Variants in PTBP2 observed in about 807,000 individuals in gnomAD.
PTBP2 encodes polypyrimidine tract binding protein 2, also known as polypyrimidine tract-binding protein 2.
Under a neutral mutation model 61.4 loss-of-function variants are expected in PTBP2, and 13 were observed. That is an observed-to-expected ratio of 0.21 (90% confidence interval 0.14 to 0.34). PTBP2 has a LOEUF of 0.34. Ranked by LOEUF, PTBP2 falls within the 10% of genes least tolerant of loss-of-function variation. The pLI, the probability that PTBP2 is intolerant of heterozygous loss-of-function variation, is 1.00. For synonymous variants in PTBP2, 215 were observed against 218.5 expected (o/e 0.98, Z 0.14); for missense variants, 405 against 642.6 (o/e 0.63, Z 4.00).
intron 2 of PTBP2, among the ~76,000 whole-genome samples, chr1:96,727,166 T>C (rs1650685666): frequency 6.6e-6 from 1 of 152,224 alleles, no homozygotes; most frequent in Non-Finnish European, 1.5e-5. Context: ...TATGTACATT[T>C]TTGGTCTGGG....
At chr1:96,808,883 G>T (rs1334161990) in intron 11 of PTBP2, among the ~76,000 whole-genome samples, 1 of 151,938 alleles carries the variant, frequency 6.6e-6, no homozygotes, top group African/African-American at 2.4e-5. Flanking sequence ...GTACTAAAAA[G>T]ATTATCAAAC....
chr1:96,791,831 T>TTTTGTTTTTTTTTTGTTTTG (rs1292684787), intron 8 of PTBP2, among the ~76,000 whole-genome samples: 1 of 127,732 alleles, frequency 7.8e-6, no homozygotes, highest in South Asian at 2.6e-4. Context: ...TTGTGCTTTT[T>TTTTGTTTTTTTTTTGTTTTG]TTTTTTTTTT....
chr1:96,808,618 T>G (rs1661726161), intron 11 of PTBP2, among the ~76,000 whole-genome samples: 1 of 152,216 alleles, frequency 6.6e-6, no homozygotes, highest in Non-Finnish European at 1.5e-5. Flanking sequence ...TTGTAAATCA[T>G]TTATCCCAAA....
chr1:96,785,045 A>G lies in PTBP2; in HGVS notation c.709-14A>G, dbSNP rs753060022. On this transcript the variant is annotated splice_polypyrimidine_tract_variant and intron_variant, in intron 7 of 13. Transcript: ENST00000674951. ...TTGTTTAAGATTGCTGATATGCTTT[A>G]TTCACTTTTACAGGCCCTAGATGGT... 6 of 1,508,842 alleles carry G rather than the reference A, an allele frequency of 4.0e-6. No individual in the cohort carries two copies. Among genetic ancestry groups the G allele is most frequent in the Non-Finnish European group, 5.3e-6 (6 of 1,124,596 alleles). The allele number at this position is 1,508,842 out of a possible 1,614,324, so 93.5% of individuals were successfully genotyped here. A position where few individuals can be genotyped will look rare whatever the true frequency, so the allele number is the denominator to read the frequency against.
At chr1:96,787,872 C>G (rs1255805289) in intron 8 of PTBP2, among the ~76,000 whole-genome samples, 2 of 151,956 alleles carry the variant, frequency 1.3e-5, no homozygotes, top group East Asian at 3.9e-4. Flanking sequence ...ATTAAAACAC[C>G]CTTGTACTTT....
chr1:96,721,847 G>C lies in PTBP2; in HGVS notation c.-18G>C, dbSNP rs2100757560. 6.4e-7 allele frequency: 1 copy of C among 1,566,346 alleles called. No homozygotes were observed. Among genetic ancestry groups the C allele is most frequent in the East Asian group, 2.4e-5 (1 of 42,506 alleles). ...GCGTGGCTCGGTTCTTGTGAGCGAA[G>C]CTTTGTCCGGTTCGGCAATGGACGG... On this transcript the variant is annotated 5_prime_UTR_variant, in exon 1 of 14. Transcript: ENST00000674951.
chr1:96,769,768 C>CT lies in PTBP2; in HGVS notation c.183dup (p.His62SerfsTer13). 6.2e-7 allele frequency: 1 copy of CT among 1,611,240 alleles called. No individual in the cohort carries two copies. Among genetic ancestry groups the CT allele is most frequent in the South Asian group, 1.1e-5 (1 of 90,748 alleles). On this transcript the variant is annotated frameshift_variant, in exon 4 of 14. Coordinates refer to ENST00000674951, the MANE Select transcript of PTBP2 (RefSeq NM_021190.4). LOFTEE classifies it high-confidence loss of function. Reference sequence around the variant, plus strand: ...AATGGATGGTGCTCCTTCTCGTGTACTTCATATTCGAAAATTACCTGGGGA... The same window carrying CT: ...AATGGATGGTGCTCCTTCTCGTGTACTTTCATATTCGAAAATTACCTGGGGA...
intron 8 of PTBP2, among the ~76,000 whole-genome samples, chr1:96,804,427 G>C (rs971642247): frequency 5.3e-5 from 8 of 152,144 alleles, no homozygotes; most frequent in Non-Finnish European, 7.4e-5. Context: ...TGTCGAAAGT[G>C]ATACTTTTTT....
chr1:96,782,310 A>G (rs1658766886), intron 7 of PTBP2, among the ~76,000 whole-genome samples: 1 of 152,038 alleles, frequency 6.6e-6, no homozygotes, highest in African/African-American at 2.4e-5. Flanking sequence ...ACTAACTGAT[A>G]ATAAAAATAA....
chr1:96,766,390 A>G (rs969829554), intron 3 of PTBP2, among the ~76,000 whole-genome samples: 8 of 152,200 alleles, frequency 5.3e-5, no homozygotes, highest in Non-Finnish European at 4.4e-5. Flanking sequence ...CTGGTTTTAC[A>G]CGCCCAAACA....
Position 96,778,010 on chromosome 1 carries a change from T to A in PTBP2, c.708+64T>A, listed in dbSNP as rs577907977. 8 of 775,318 alleles carry A rather than the reference T, an allele frequency of 1.0e-5. 1 individual carries two copies. In the East Asian group the frequency reaches 1.1e-4, roughly 11 times the overall value. The allele number at this position is 775,318 out of a possible 1,614,324, so 48.0% of individuals were successfully genotyped here. A position where few individuals can be genotyped will look rare whatever the true frequency, so the allele number is the denominator to read the frequency against. On this transcript the variant is annotated intron_variant, in intron 7 of 13. Coordinates refer to ENST00000674951, the MANE Select transcript of PTBP2 (RefSeq NM_021190.4). Reference sequence around the variant, plus strand: ...AAATGTATATGTAGAAAAATATATATATATGTATGTATACTTAATGATATC... The same window carrying A: ...AAATGTATATGTAGAAAAATATATAAATATGTATGTATACTTAATGATATC...
At chr1:96,759,671 CTTG>C (rs1427001902) in intron 3 of PTBP2, among the ~76,000 whole-genome samples, 5 of 152,138 alleles carry the variant, frequency 3.3e-5, no homozygotes, top group Non-Finnish European at 5.9e-5. Flanking sequence ...AATATATAAA[CTTG>C]ACTCCATCAA....
intron 2 of PTBP2, among the ~76,000 whole-genome samples, chr1:96,733,322 G>A (rs1651708795): frequency 6.6e-6 from 1 of 152,120 alleles, no homozygotes. Flanking sequence ...CTACATAATA[G>A]AGGATAAATG....
At chr1:96,771,449 TA>T (rs1331262887) in intron 5 of PTBP2, 2 of 151,926 alleles carry the variant, frequency 1.3e-5, no homozygotes, top group Non-Finnish European at 2.9e-5. Context: ...TCTCTGTCAG[TA>T]AAATACAAAC....
chr1:96,787,848 A>G (rs1234493303), intron 8 of PTBP2, among the ~76,000 whole-genome samples: 2 of 152,162 alleles, frequency 1.3e-5, no homozygotes, highest in African/African-American at 4.8e-5. Context: ...CATGTAGGCT[A>G]TTCCATACTT....
intron 3 of PTBP2, among the ~76,000 whole-genome samples, chr1:96,766,306 G>T (rs1656695512): frequency 6.6e-6 from 1 of 152,146 alleles, no homozygotes; most frequent in Non-Finnish European, 1.5e-5. Context: ...CATATACAAT[G>T]AATAAAATTT....
chr1:96,774,529 A>G (rs1287433074), intron 5 of PTBP2, among the ~76,000 whole-genome samples: 1 of 152,230 alleles, frequency 6.6e-6, no homozygotes, highest in Non-Finnish European at 1.5e-5. Context: ...GCAAATGAGT[A>G]TGCATTAACC....
At chr1:96,761,933 T>C (rs1372721249) in intron 3 of PTBP2, among the ~76,000 whole-genome samples, 1 of 151,940 alleles carries the variant, frequency 6.6e-6, no homozygotes, top group African/African-American at 2.4e-5. Context: ...TAGGGAGTGG[T>C]GATGACTCTT....
intron 2 of PTBP2, among the ~76,000 whole-genome samples, chr1:96,739,231 A>G (rs1211354622): frequency 6.6e-6 from 1 of 152,170 alleles, no homozygotes; most frequent in African/African-American, 2.4e-5. Context: ...AATGTTGCTT[A>G]ATTGATTAAA....
Sources: allele counts gnomAD v4.1 joint callset (sites outside exome capture counted in the v4.1 genomes callset), GRCh38; gene constraint gnomAD v4.1.1; transcripts MANE v1.5; gene names NCBI Gene and HGNC (gene_info 2026-07-23, HGNC 2026-07-21).